The following DDHD2 variants were observed in gnomAD, a reference collection of about 807,000 sequenced individuals.
The protein encoded by DDHD2 is triacylglycerol hydrolase DDHD2.
A neutral mutation model predicts 91.2 loss-of-function variants in DDHD2; 62 were observed. The ratio of observed to expected loss-of-function variants is 0.68; its 90% CI spans 0.55 to 0.84. The LOEUF (loss-of-function observed/expected upper bound fraction) is 0.84, where lower values mean the gene tolerates loss of function less well. DDHD2 is among the 40% of genes least tolerant of loss of function. The probability of loss-of-function intolerance (pLI) is 0.00; values close to 1 mark genes in which losing one functional copy is unlikely to be tolerated. For synonymous variants in DDHD2, 271 were observed against 293.9 expected (o/e 0.92, Z 0.80); for missense variants, 740 against 846.9 (o/e 0.87, Z 1.57).
rs554060130 is a variant in DDHD2 at position 38,258,130 on chromosome 8, C to T, written c.2055-1910C>T. On this transcript the variant is annotated intron_variant, in intron 16 of 17. Coordinates refer to ENST00000397166, the MANE Select transcript of DDHD2 (RefSeq NM_015214.3). ...GGACTGCAGGTGTGCAACACCATGC[C>T]TGGCTATTCTAATATTTTATATCTA... 9.9e-5 allele frequency among the ~76,000 whole-genome samples: 15 copies of T among 152,180 alleles called. 1 individual carries two copies. In the South Asian group the frequency reaches 2.9e-3, roughly 29 times the overall value.
rs1424404522 is a variant in DDHD2 at position 38,233,212 on chromosome 8, C to T, written c.218C>T (p.Ser73Phe). ...DSQQLEEAYS[S>F]GKGCNGRVVP... ...CAGCAGCTGGAAGAGGCATATAGCT[C>T]TGGTAGGTGAAAATTATGACTTGGA... The change falls in exon 2 of 18, where the codon TCT becomes TTT. Residue 73 changes from serine (S) to phenylalanine (F), a missense_variant and splice_region_variant. By Grantham distance (155) the Ser-to-Phe change is radical. Coordinates refer to ENST00000397166, the MANE Select transcript of DDHD2 (RefSeq NM_015214.3). The T allele has an allele frequency of 6.2e-7, 1 of 1,608,848 alleles. No individual in the cohort carries two copies. The highest frequency in any genetic ancestry group is 1.3e-5 in the African/African-American group (1 of 74,844).
chr8:38,234,641 T>C, intron 3 of DDHD2, 57 bp downstream of exon 3: 1 of 1,392,732 alleles, frequency 7.2e-7, no homozygotes, highest in Non-Finnish European at 9.7e-7. Context: ...AATAATCTTT[T>C]CTTTCCTTTG....
intron 1 of DDHD2, chr8:38,268,461 C>T (rs758719287): frequency 3.2e-6 from 5 of 1,568,472 alleles, no homozygotes; most frequent in Non-Finnish European, 4.3e-6. Context: ...AATGCAATAA[C>T]CTGAATCAGA....
chr8:38,268,895 G>A (rs767838668), intron 1 of DDHD2: 4 of 1,553,224 alleles, frequency 2.6e-6, no homozygotes, highest in Admixed American at 2.1e-5. Context: ...CATCGGCTTG[G>A]TGGGGAAATA....
At chr8:38,264,696 A>T (rs1807309992), downstream of DDHD2, 1 of 1,433,018 alleles carries the variant, frequency 7.0e-7, no homozygotes. Flanking sequence ...CCTCCAGGAT[A>T]CTCTACTGTG....
Position 38,237,592 on chromosome 8 carries a change from C to G in DDHD2, c.466C>G (p.Pro156Ala). Residue 156 changes from proline to alanine, a missense_variant, in exon 4 of 18, where the codon CCC becomes GCC. Coordinates refer to ENST00000397166, the MANE Select transcript of DDHD2 (RefSeq NM_015214.3). ...LDEWKKKLES[P>A]NREIIILHNP... ...TGAATGGAAAAAGAAACTGGAATCT[C>G]CCAACAGAGAAATTATTATTTTACA... The G allele has an allele frequency of 2.5e-6, 4 of 1,592,262 alleles. No individual in the cohort carries two copies. Among genetic ancestry groups the G allele is most frequent in the Non-Finnish European group, 3.4e-6 (4 of 1,168,808 alleles).
chr8:38,266,367 A>G, downstream of DDHD2: 1 of 1,466,930 alleles, frequency 6.8e-7, no homozygotes, highest in South Asian at 1.2e-5. Context: ...TACCTCATTC[A>G]TCCCCACATA....
chr8:38,267,532 CCA>C, downstream of DDHD2: 1 of 962,316 alleles, frequency 1.0e-6, no homozygotes, highest in Non-Finnish European at 1.5e-6. Context: ...AGTATAGTCA[CCA>C]CACTAAGAGA....
At position 38,260,167 on chromosome 8, in the gene DDHD2, A is replaced by G. The variant is rs767076634; in HGVS notation, c.*26+20A>G. 7.8e-6 allele frequency: 10 copies of G among 1,288,262 alleles called. No individual in the cohort carries two copies. Among genetic ancestry groups the G allele is most frequent in the Middle Eastern group, 1.8e-4 (1 of 5,432 alleles). 79.8% of individuals were successfully genotyped at this position (1,288,262 alleles called of 1,614,324 possible). ...CTTAATGTAAGTTTTAAAATGTCAT[A>G]TATATAGTGTAATTCTTACATATTA... On this transcript the variant is annotated intron_variant, in intron 17 of 17. Transcript: ENST00000397166.
chr8:38,268,267 T>G (rs1017081510), intron 1 of DDHD2: 23 of 1,149,902 alleles, frequency 2.0e-5, no homozygotes, highest in Non-Finnish European at 2.7e-5. Context: ...CCTTTAGGAA[T>G]GCAGAACTCA....
chr8:38,266,718 T>C (rs1256581869), downstream of DDHD2, among the ~76,000 whole-genome samples: 1 of 152,168 alleles, frequency 6.6e-6, no homozygotes, highest in Non-Finnish European at 1.5e-5. Context: ...GTTTTAATCC[T>C]TTTTTGTGTA....
At chr8:38,243,102 G>A (rs780080107) in intron 7 of DDHD2, among the ~76,000 whole-genome samples, 1 of 152,148 alleles carries the variant, frequency 6.6e-6, no homozygotes, top group Non-Finnish European at 1.5e-5. Flanking sequence ...TATTCTGTTT[G>A]CCAAACACTG....
At position 38,233,110 on chromosome 8, in the gene DDHD2, C is replaced by T. The variant is rs756560473; in HGVS notation, c.116C>T (p.Pro39Leu). The T allele has an allele frequency of 6.2e-7, 1 of 1,614,044 alleles. No homozygotes were observed. The highest frequency in any genetic ancestry group is 1.7e-5 in the Admixed American group (1 of 60,002). Residue 39 changes from proline to leucine, a missense_variant, in exon 2 of 18, where the codon CCA (proline) becomes CTA (leucine). Transcript: ENST00000397166. ...ATGGATGCTGGCAGCTTGTATGAAC[C>T]AGTTTCTCCCCATTGGTTTTATTGT... ...IDMDAGSLYEPVSPHWFYCKI... is the reference protein window; with the variant it reads ...IDMDAGSLYELVSPHWFYCKI...
In DDHD2 at chr8:38,269,330, G is replaced by A. The variant is rs1808334506; in HGVS notation, n.88-1792G>A. 5.0e-6 allele frequency: 5 copies of A among 993,450 alleles called. No individual in the cohort carries two copies. In the East Asian group the frequency reaches 1.3e-4, roughly 26 times the overall value. The allele number at this position is 993,450 out of a possible 1,614,324, so 61.5% of individuals were successfully genotyped here. On this transcript the variant is annotated intron_variant and non_coding_transcript_variant, in intron 1 of 1. Coordinates refer to the DDHD2 transcript ENST00000526071. ...CGGCTCCCCAGGAAGACGGCCTGGC[G>A]GCTGTGCCGAGGGCATCGTCTGGCA... is the stretch of plus-strand genomic sequence containing the variant.
intron 6 of DDHD2, 73 bp downstream of exon 6, chr8:38,240,437 C>A: frequency 1.8e-6 from 2 of 1,133,950 alleles, no homozygotes; most frequent in South Asian, 1.5e-5. Flanking sequence ...TGTCTTTGGT[C>A]TATTGTCTTA....
At position 38,245,500 on chromosome 8, in the gene DDHD2, C is replaced by G. The variant is rs572394365; in HGVS notation, c.849-242C>G. ...TTACCACTTACCTCTCTGTCTACAT[C>G]TGTTGTTTTCTTGCAGTTTATTTAT... On this transcript the variant is annotated intron_variant, in intron 7 of 17. Coordinates refer to ENST00000397166, the MANE Select transcript of DDHD2 (RefSeq NM_015214.3). Among the ~76,000 whole-genome samples the G allele has an allele frequency of 5.4e-4, 82 of 151,216 alleles. 1 individual carries two copies. Among genetic ancestry groups the G allele is most frequent in the Non-Finnish European group, 1.1e-3 (75 of 67,864 alleles).
At chr8:38,268,484 A>T (rs1343074952) in intron 1 of DDHD2, 2 of 1,554,856 alleles carry the variant, frequency 1.3e-6, no homozygotes, top group South Asian at 1.2e-5. Context: ...GTCAGAGGTT[A>T]AAAACAATCC....
chr8:38,249,817 A>G lies in DDHD2; in HGVS notation c.1344+14A>G. The G allele has an allele frequency of 1.3e-6, 2 of 1,542,776 alleles. No individual in the cohort carries two copies. Among genetic ancestry groups the G allele is most frequent in the Non-Finnish European group, 1.8e-6 (2 of 1,118,250 alleles). On this transcript the variant is annotated intron_variant, in intron 11 of 17. Transcript: ENST00000397166. Reference sequence around the variant, plus strand: ...AAAAACTCAATGGTATGTGCCTAATACAGCTTGTTGGACTAAACAATTCTT... The same window carrying G: ...AAAAACTCAATGGTATGTGCCTAATGCAGCTTGTTGGACTAAACAATTCTT...
In DDHD2 at chr8:38,261,464, T is replaced by C. The variant is rs1012477124; in HGVS notation, c.*891T>C. The C allele has an allele frequency of 2.0e-5, 3 of 152,220 alleles. No individual in the cohort carries two copies. The highest frequency in any genetic ancestry group is 2.9e-5 in the Non-Finnish European group (2 of 68,038). The allele number at this position is 152,220 out of a possible 1,614,324, so 9.4% of individuals were successfully genotyped here. A position where few individuals can be genotyped will look rare whatever the true frequency, so the allele number is the denominator to read the frequency against. ...ATAAAACCTTTTAGTGGTGCCTTTA[T>C]GGTGAAACAGAATTTGTCACCTGCC... is the stretch of plus-strand genomic sequence containing the variant. On this transcript the variant is annotated 3_prime_UTR_variant, in exon 18 of 18. Coordinates refer to ENST00000397166, the MANE Select transcript of DDHD2 (RefSeq NM_015214.3).
Sources: gnomAD v4.1 joint callset for allele counts (sites outside exome capture counted in the v4.1 genomes callset) on GRCh38, gnomAD v4.1.1 for gene constraint, MANE v1.5 for transcripts, NCBI Gene and HGNC (gene_info 2026-07-23, HGNC 2026-07-21) for gene names.